The following PIWIL2 variants were observed in gnomAD, a reference collection of about 807,000 sequenced individuals.
PIWIL2 encodes the protein piwi like RNA-mediated gene silencing 2.
A neutral mutation model predicts 116.5 loss-of-function variants in PIWIL2; 81 were observed. That is an observed-to-expected ratio of 0.70 (90% CI 0.58 to 0.84). The LOEUF is 0.84. PIWIL2 is among the 40% of genes least tolerant of loss of function. PIWIL2 has a pLI of 0.00. For missense variants in PIWIL2, 1,272 were observed against 1,212.3 expected, an observed-to-expected ratio of 1.05 and a Z score of -0.73; for synonymous variants, 489 against 429.5, an observed-to-expected ratio of 1.14 and a Z score of -1.71.
chr8:22,310,088 G>T lies in PIWIL2; in HGVS notation c.1800+14G>T. ...TCCATCTTGACTGTAAGTGATTTTTGAAGTGATAAAGAGAGGACCAGTATT... is the reference window on the plus strand; with the variant it reads ...TCCATCTTGACTGTAAGTGATTTTTTAAGTGATAAAGAGAGGACCAGTATT... On this transcript the variant is annotated intron_variant, in intron 15 of 22. Coordinates refer to ENST00000356766, the MANE Select transcript of PIWIL2 (RefSeq NM_018068.5). The T allele has an allele frequency of 7.2e-7, 1 of 1,387,440 alleles. No homozygotes were observed. The highest frequency in any genetic ancestry group is 1.2e-5 in the South Asian group (1 of 86,282). The allele number at this position is 1,387,440 out of a possible 1,614,324, so 85.9% of individuals were successfully genotyped here.
At chr8:22,295,620 G>A (rs907728996) in intron 10 of PIWIL2, among the ~76,000 whole-genome samples, 2 of 152,136 alleles carry the variant, frequency 1.3e-5, no homozygotes, top group Non-Finnish European at 2.9e-5. Flanking sequence ...GTCCATGTCT[G>A]TCAGGGAGCT....
intron 20 of PIWIL2, among the ~76,000 whole-genome samples, chr8:22,348,244 G>A (rs1259832439): frequency 6.7e-6 from 1 of 149,710 alleles, no homozygotes; most frequent in Admixed American, 6.6e-5. Flanking sequence ...AGGTTGCAGT[G>A]AGCCGAGATC....
chr8:22,289,700 GAT>G, intron 8 of PIWIL2, 145 bp from the exon 9 acceptor site: 1 of 581,686 alleles, frequency 1.7e-6, no homozygotes, highest in Non-Finnish European at 3.1e-6. Context: ...CTTTTAACAA[GAT>G]TGTTCTCAAT....
At chr8:22,275,420 G>T (rs1240376297) in intron 1 of PIWIL2, 22 bp downstream of exon 1, 1 of 152,528 alleles carries the variant, frequency 6.6e-6, no homozygotes, top group Admixed American at 6.5e-5. Context: ...CCCCGGTTGC[G>T]GCATGCCAGG....
intron 10 of PIWIL2, among the ~76,000 whole-genome samples, chr8:22,292,921 C>G (rs1830797595): frequency 6.6e-6 from 1 of 152,192 alleles, no homozygotes; most frequent in African/African-American, 2.4e-5. Flanking sequence ...GCATGAGTAA[C>G]TCCATTTTTG....
chr8:22,307,110 G>C (rs536171850), intron 13 of PIWIL2, among the ~76,000 whole-genome samples: 1 of 152,272 alleles, frequency 6.6e-6, no homozygotes, highest in East Asian at 1.9e-4. Flanking sequence ...GAATGAATAT[G>C]GTTTTCTGTT....
intron 20 of PIWIL2, 104 bp from the exon 21 acceptor site, chr8:22,352,855 G>C (rs1832403653): frequency 1.7e-6 from 2 of 1,173,092 alleles, no homozygotes; most frequent in Non-Finnish European, 2.4e-6. Context: ...ACTGCAAAAG[G>C]ATCTGCCATG....
intron 13 of PIWIL2, among the ~76,000 whole-genome samples, chr8:22,306,446 C>T (rs1831179631): frequency 6.6e-6 from 1 of 152,132 alleles, no homozygotes; most frequent in African/African-American, 2.4e-5. Flanking sequence ...GCAAATAAGT[C>T]AGGAGATGAG....
At chr8:22,292,847 C>G (rs570417359) in intron 10 of PIWIL2, among the ~76,000 whole-genome samples, 40 of 152,308 alleles carry the variant, frequency 2.6e-4, no homozygotes, top group Non-Finnish European at 4.4e-4. Flanking sequence ...TATTATGTGT[C>G]TCTCCTGATT....
In PIWIL2 at chr8:22,295,088, A is replaced by G. The variant is rs1445325810; in HGVS notation, c.1181+4742A>G. Among the ~76,000 whole-genome samples the G allele has an allele frequency of 2.6e-5, 4 of 152,102 alleles. No individual in the cohort carries two copies. The East Asian group carries it at 7.7e-4, about 29-fold the overall frequency. Reference sequence around the variant, plus strand: ...AGCGAGACTTCGTCTGGGGGAAAAAAAAAATATTTTTATTTTCTCCACAGT... The same window carrying G: ...AGCGAGACTTCGTCTGGGGGAAAAAGAAAATATTTTTATTTTCTCCACAGT... On this transcript the variant is annotated intron_variant, in intron 10 of 22. Transcript: ENST00000356766.
At chr8:22,313,062 A>C (rs1367193944) in intron 16 of PIWIL2, among the ~76,000 whole-genome samples, 1 of 152,186 alleles carries the variant, frequency 6.6e-6, no homozygotes, top group Non-Finnish European at 1.5e-5. Flanking sequence ...AGCCCAGTAC[A>C]TCAGCTCCCC....
intron 16 of PIWIL2, among the ~76,000 whole-genome samples, chr8:22,312,007 G>T (rs1044369356): frequency 1.3e-5 from 2 of 151,946 alleles, no homozygotes; most frequent in Non-Finnish European, 2.9e-5. Context: ...CTCACGCCTG[G>T]AATTCCAGCA....
chr8:22,311,447 G>A, intron 16 of PIWIL2, 147 bp downstream of exon 16: 1 of 653,368 alleles, frequency 1.5e-6, no homozygotes. Flanking sequence ...TGATTGAAAA[G>A]TGTTCTTTAT....
At chr8:22,312,485 C>T (rs1267202892) in intron 16 of PIWIL2, among the ~76,000 whole-genome samples, 2 of 152,008 alleles carry the variant, frequency 1.3e-5, no homozygotes, top group South Asian at 2.1e-4. Context: ...AGGCTGGTCT[C>T]GAGCTTCTGG....
chr8:22,296,048 T>C (rs1586550062), intron 10 of PIWIL2, among the ~76,000 whole-genome samples: 1 of 119,264 alleles, frequency 8.4e-6, no homozygotes, highest in African/African-American at 3.2e-5. Context: ...TTTTTTTTTT[T>C]TTTTTTTTTT....
chr8:22,329,891 G>A (rs2132077246), intron 20 of PIWIL2, among the ~76,000 whole-genome samples: 1 of 152,186 alleles, frequency 6.6e-6, no homozygotes, highest in East Asian at 1.9e-4. Flanking sequence ...ATAGGCTGGA[G>A]ACCCAGGGGA....
At position 22,357,221 on chromosome 8, in the gene PIWIL2, G is replaced by A. The variant is rs1409909900; in HGVS notation, c.*1716G>A. On this transcript the variant is annotated 3_prime_UTR_variant, in exon 23 of 23. Transcript: ENST00000356766. ...TTTGTTGCGGTGCCCAGCCGAGGTT[G>A]AGGAGGGATGGGTATTGTTGGTGCA... 6.6e-6 allele frequency: 1 copy of A among 152,200 alleles called. No individual in the cohort carries two copies. Among genetic ancestry groups the A allele is most frequent in the Non-Finnish European group, 1.5e-5 (1 of 68,034 alleles). The allele number at this position is 152,200 out of a possible 1,614,324, so 9.4% of individuals were successfully genotyped here. A position where few individuals can be genotyped will look rare whatever the true frequency, so the allele number is the denominator to read the frequency against.
chr8:22,310,973 C>A, intron 15 of PIWIL2, 139 bp from the exon 16 acceptor site: 1 of 701,290 alleles, frequency 1.4e-6, no homozygotes, highest in Non-Finnish European at 2.4e-6. Flanking sequence ...CATGTACGTT[C>A]ATGTTAATAC....
Position 22,294,573 on chromosome 8 carries a change from G to A in PIWIL2, c.1181+4227G>A, listed in dbSNP as rs572703112. Among the ~76,000 whole-genome samples the A allele has an allele frequency of 1.1e-3, 162 of 146,406 alleles. 1 individual carries two copies. Among genetic ancestry groups the A allele is most frequent in the African/African-American group, 3.9e-3 (154 of 39,560 alleles). On this transcript the variant is annotated intron_variant, in intron 10 of 22. Coordinates refer to ENST00000356766, the MANE Select transcript of PIWIL2 (RefSeq NM_018068.5). The stretch of plus-strand genomic sequence containing the variant: ...GGAGATTGGCGTGAACCCAGGAGGC[G>A]GAGCTTGCAGTGAGCCGAGATTGTG...
Sources: gnomAD v4.1 joint callset for allele counts (sites outside exome capture counted in the v4.1 genomes callset) on GRCh38, gnomAD v4.1.1 for gene constraint, MANE v1.5 for transcripts, NCBI Gene and HGNC (gene_info 2026-07-23, HGNC 2026-07-21) for gene names.